Variants in ADAMTS14 observed in about 807,000 individuals in gnomAD.
The protein encoded by ADAMTS14 is A disintegrin and metalloproteinase with thrombospondin motifs 14.
A neutral mutation model predicts 128.6 loss-of-function variants in ADAMTS14; 100 were observed. That is an observed-to-expected ratio of 0.78 (90% CI 0.66 to 0.92). The LOEUF (loss-of-function observed/expected upper bound fraction) is 0.92, where lower values mean the gene tolerates loss of function less well. Ranked by LOEUF, ADAMTS14 falls within the 40% of genes least tolerant of loss-of-function variation. The pLI is 0.00. For missense variants in ADAMTS14, 1,562 were observed against 1,658.6 expected, an observed-to-expected ratio of 0.94 and a Z score of 1.01; for synonymous variants, 665 against 653.8, an observed-to-expected ratio of 1.02 and a Z score of -0.26.
At chr10:70,754,109 C>T in intron 19 of ADAMTS14, 102 bp downstream of exon 19, 1 of 1,122,690 alleles carries the variant, frequency 8.9e-7, no homozygotes, top group Non-Finnish European at 1.2e-6. Context: ...CTGAATGGCT[C>T]CCCCTACATC....
At chr10:70,732,164 C>A in intron 6 of ADAMTS14, 90 bp from the exon 7 acceptor site, 1 of 1,137,540 alleles carries the variant, frequency 8.8e-7, no homozygotes, top group Non-Finnish European at 1.3e-6. Context: ...CAAGCACTGA[C>A]CAGAGGGCTG....
intron 13 of ADAMTS14, 151 bp from the exon 14 acceptor site, chr10:70,743,915 C>A: frequency 8.3e-7 from 1 of 1,204,180 alleles, no homozygotes; most frequent in Non-Finnish European, 1.1e-6. Flanking sequence ...TCACCCAGGT[C>A]CCACGGTGAA....
intron 12 of ADAMTS14, among the ~76,000 whole-genome samples, chr10:70,741,699 A>G: frequency 6.6e-6 from 1 of 152,182 alleles, no homozygotes; most frequent in East Asian, 1.9e-4. Flanking sequence ...TGGGATCTTC[A>G]TAACGACTCT....
rs757587435 is a variant in ADAMTS14 at position 70,690,642 on chromosome 10, C to A, written c.523-11670C>A. 2.9e-4 allele frequency among the ~76,000 whole-genome samples: 42 copies of A among 145,070 alleles called. 6 individuals are homozygous for A. Among genetic ancestry groups the A allele is most frequent in the Non-Finnish European group, 1.7e-4 (11 of 63,384 alleles). On this transcript the variant is annotated intron_variant, in intron 2 of 21. Transcript: ENST00000373207. ...GTCAGCGACCCACTGGGCCAGGCTG[C>A]TGTAGGGCTCATTCGGAGGGGAGGC...
chr10:70,727,747 A>G (rs543214571), intron 4 of ADAMTS14, among the ~76,000 whole-genome samples: 1 of 149,858 alleles, frequency 6.7e-6, no homozygotes, highest in East Asian at 2.1e-4. Flanking sequence ...TGATGGCGGC[A>G]GTGGCATTTT....
chr10:70,674,897 GA>G lies in ADAMTS14; in HGVS notation c.425del (p.Glu142GlyfsTer147). Reference sequence around the variant, plus strand: ...AGTGGAGTGGCAGGAGGATTTTCGGGAGCTGTTCCGGCAGCCCTTACGGCAG... The same window carrying G: ...AGTGGAGTGGCAGGAGGATTTTCGGGGCTGTTCCGGCAGCCCTTACGGCAG... ...SSVEWQEDFR[E>X]LFRQPLRQEC... is the part of the protein sequence containing the mutation. On this transcript the variant is annotated frameshift_variant, in exon 2 of 22. Coordinates refer to ENST00000373207, the MANE Select transcript of ADAMTS14 (RefSeq NM_080722.4). LOFTEE classifies it high-confidence loss of function. 6.2e-7 allele frequency: 1 copy of G among 1,613,332 alleles called. No individual in the cohort carries two copies. The highest frequency in any genetic ancestry group is 1.1e-5 in the South Asian group (1 of 91,084).
At chr10:70,729,685 C>T (rs1841568757) in intron 5 of ADAMTS14, among the ~76,000 whole-genome samples, 1 of 152,134 alleles carries the variant, frequency 6.6e-6, no homozygotes, top group Admixed American at 6.5e-5. Context: ...TGGTTGAGCC[C>T]TGGTGCCCTG....
intron 6 of ADAMTS14, among the ~76,000 whole-genome samples, chr10:70,730,926 A>T (rs887602822): frequency 6.6e-6 from 1 of 152,158 alleles, no homozygotes; most frequent in South Asian, 2.1e-4. Flanking sequence ...CAGATGTGAG[A>T]CTCAAACTGG....
At chr10:70,692,669 A>G (rs2132569404) in intron 2 of ADAMTS14, among the ~76,000 whole-genome samples, 1 of 152,334 alleles carries the variant, frequency 6.6e-6, no homozygotes, top group Admixed American at 6.5e-5. Flanking sequence ...TTTAAAGAGA[A>G]AGAAATTGCC....
At chr10:70,717,159 T>C (rs936851536) in intron 4 of ADAMTS14, among the ~76,000 whole-genome samples, 8 of 152,160 alleles carry the variant, frequency 5.3e-5, no homozygotes, top group African/African-American at 1.2e-4. Flanking sequence ...ACAGACAGAC[T>C]CCCATCGTGG....
At chr10:70,706,251 G>A (rs1273219698) in intron 3 of ADAMTS14, among the ~76,000 whole-genome samples, 4 of 152,322 alleles carry the variant, frequency 2.6e-5, no homozygotes, top group African/African-American at 9.6e-5. Flanking sequence ...ATAGACAGTG[G>A]TCATGGCTGG....
At chr10:70,757,063 G>T (rs1400468746) in intron 19 of ADAMTS14, among the ~76,000 whole-genome samples, 1 of 152,222 alleles carries the variant, frequency 6.6e-6, no homozygotes, top group East Asian at 1.9e-4. Flanking sequence ...GGGAAGTGGG[G>T]TCCTGCAAAT....
intron 3 of ADAMTS14, among the ~76,000 whole-genome samples, chr10:70,705,517 C>T (rs936822217): frequency 6.6e-6 from 1 of 152,234 alleles, no homozygotes; most frequent in Non-Finnish European, 1.5e-5. Context: ...GTTTTTAAAA[C>T]TATATTCACA....
chr10:70,754,141 A>G (rs10999513), intron 19 of ADAMTS14, 134 bp downstream of exon 19: 34,342 of 817,206 alleles, frequency 0.042, 3,909 homozygotes, highest in African/African-American at 0.32. Context: ...TCCTTAAAGT[A>G]GAATAGCTCC....
intron 2 of ADAMTS14, among the ~76,000 whole-genome samples, chr10:70,689,041 ACT>A (rs1303260629): frequency 9.4e-6 from 1 of 106,836 alleles, no homozygotes; most frequent in African/African-American, 2.8e-5. Flanking sequence ...AGGGGCCCAC[ACT>A]CTATGAGTTA....
At chr10:70,745,189 A>G (rs374558844) in intron 14 of ADAMTS14, 37 bp from the exon 15 acceptor site, 6 of 1,599,142 alleles carry the variant, frequency 3.8e-6, no homozygotes, top group Non-Finnish European at 4.3e-6. Flanking sequence ...CCACCAGCTT[A>G]GGATGCTCAC....
At chr10:70,743,488 T>G in intron 12 of ADAMTS14, 60 bp from the exon 13 acceptor site, 1 of 1,545,182 alleles carries the variant, frequency 6.5e-7, no homozygotes, top group Non-Finnish European at 8.7e-7. Context: ...CATACTGATC[T>G]GTCCTGGGCC....
At chr10:70,733,024 T>A (rs1006154443) in intron 7 of ADAMTS14, among the ~76,000 whole-genome samples, 4 of 152,210 alleles carry the variant, frequency 2.6e-5, no homozygotes, top group African/African-American at 9.6e-5. Flanking sequence ...AATGAGCTAC[T>A]GTTCAGTAGG....
chr10:70,737,205 A>G, intron 10 of ADAMTS14, among the ~76,000 whole-genome samples: 1 of 152,076 alleles, frequency 6.6e-6, no homozygotes. Flanking sequence ...CCCCACCCCT[A>G]TGCTGTCTCT....
Sources: allele counts gnomAD v4.1 joint callset (sites outside exome capture counted in the v4.1 genomes callset), GRCh38; gene constraint gnomAD v4.1.1; transcripts MANE v1.5; gene names NCBI Gene and HGNC (gene_info 2026-07-23, HGNC 2026-07-21).